Variants in MTA3 observed in about 807,000 individuals in gnomAD.
The protein encoded by MTA3 is metastasis-associated protein MTA3.
In MTA3, 34 loss-of-function variants were observed where a neutral mutation model predicts 83.5. That is an observed-to-expected ratio of 0.41 (90% CI 0.31 to 0.54). MTA3 has a LOEUF of 0.54. MTA3 is among the 20% of genes least tolerant of loss of function. The pLI, the probability that MTA3 is intolerant of heterozygous loss-of-function variation, is 0.33. For missense variants in MTA3, 761 were observed against 726.4 expected, an observed-to-expected ratio of 1.05 and a Z score of -0.55; for synonymous variants, 303 against 252.7, an observed-to-expected ratio of 1.20 and a Z score of -1.89.
At chr2:42,586,495 C>CAG (rs1171594745) in intron 3 of MTA3, among the ~76,000 whole-genome samples, 1 of 147,206 alleles carries the variant, frequency 6.8e-6, no homozygotes, top group Admixed American at 6.8e-5. Context: ...CACACACACA[C>CAG]ACACACACAC....
Position 42,708,907 on chromosome 2 carries a change from G to C in MTA3, c.1336G>C (p.Ala446Pro). 1.2e-6 allele frequency: 2 copies of C among 1,613,990 alleles called. No individual in the cohort carries two copies. The highest frequency in any genetic ancestry group is 4.5e-5 in the East Asian group (2 of 44,872). Residue 446 changes from alanine to proline, a missense_variant, in exon 14 of 17, where the codon GCC becomes CCC. Coordinates refer to ENST00000405094, the MANE Select transcript of MTA3 (RefSeq NM_001330442.2). ...PRVRSHVSRQ[A>P]MQGMPVRNTG... ...TGTTAGAAGTCACGTGTCCCGCCAG[G>C]CCATGCAGGGAATGCCAGTCCGAAA...
At chr2:42,585,003 C>T (rs1470943985) in intron 3 of MTA3, among the ~76,000 whole-genome samples, 1 of 151,648 alleles carries the variant, frequency 6.6e-6, no homozygotes, top group Non-Finnish European at 1.5e-5. Context: ...ACAATCTCGG[C>T]TCACTGCAAC....
chr2:42,724,277 A>AAAACACACACACACAC (rs1553396460), intron 16 of MTA3, among the ~76,000 whole-genome samples: 10 of 73,180 alleles, frequency 1.4e-4, no homozygotes, highest in African/African-American at 5.5e-4. Flanking sequence ...AGTCCTGAAA[A>AAAACACACACACACAC]ACACACACAC....
intron 3 of MTA3, among the ~76,000 whole-genome samples, chr2:42,606,173 G>C (rs1260451052): frequency 1.1e-5 from 1 of 93,290 alleles, no homozygotes; most frequent in Admixed American, 1.0e-4. Context: ...CCTCCCGGAC[G>C]GGGCGGCTGG....
intron 2 of MTA3, among the ~76,000 whole-genome samples, chr2:42,507,017 T>G (rs1161384824): frequency 6.6e-6 from 1 of 152,186 alleles, no homozygotes; most frequent in East Asian, 1.9e-4. Context: ...GCTTCTTCTC[T>G]CTTCAGCCTC....
At chr2:42,700,074 A>C (rs1693733630) in intron 11 of MTA3, among the ~76,000 whole-genome samples, 1 of 152,034 alleles carries the variant, frequency 6.6e-6, no homozygotes, top group Non-Finnish European at 1.5e-5. Context: ...GCTGGTGGGA[A>C]ATAGCCAAGT....
intron 2 of MTA3, among the ~76,000 whole-genome samples, chr2:42,501,006 T>A (rs921789816): frequency 6.6e-6 from 1 of 152,034 alleles, no homozygotes; most frequent in African/African-American, 2.4e-5. Flanking sequence ...GAGACGGGGT[T>A]TCACCGTGTT....
chr2:42,595,444 C>T (rs1047234391), intron 3 of MTA3, among the ~76,000 whole-genome samples: 3 of 152,044 alleles, frequency 2.0e-5, no homozygotes, highest in Admixed American at 2.0e-4. Flanking sequence ...CATGTGTGTC[C>T]TTTTCTGTGA....
chr2:42,557,599 G>A lies in MTA3; in HGVS notation c.-140-12838G>A, dbSNP rs896804956. Among the ~76,000 whole-genome samples, 12 of 152,192 alleles carry A rather than the reference G, an allele frequency of 7.9e-5. 1 individual carries two copies. Among genetic ancestry groups the A allele is most frequent in the Non-Finnish European group, 1.5e-4 (10 of 68,036 alleles). ...GTCCTGACCTGGCTTTGTAAAAGCAGCTCCTTGAAGTGTCTCTGTAATACT... is the reference window on the plus strand; with the variant it reads ...GTCCTGACCTGGCTTTGTAAAAGCAACTCCTTGAAGTGTCTCTGTAATACT... On this transcript the variant is annotated intron_variant, in intron 2 of 17. Transcript: ENST00000405592.
chr2:42,711,777 A>AGTGTGTTTGTGTGTGT (rs1553393276), intron 14 of MTA3, among the ~76,000 whole-genome samples: 1 of 148,536 alleles, frequency 6.7e-6, no homozygotes, highest in Non-Finnish European at 1.5e-5. Flanking sequence ...TATAGGAGAG[A>AGTGTGTTTGTGTGTGT]GAGAGAGTGT....
At chr2:42,557,028 C>G (rs1677424978) in intron 2 of MTA3, among the ~76,000 whole-genome samples, 1 of 152,158 alleles carries the variant, frequency 6.6e-6, no homozygotes, top group African/African-American at 2.4e-5. Context: ...CTAACATGGA[C>G]TCCACCCTTC....
At chr2:42,695,238 G>T (rs1693274606) in intron 9 of MTA3, among the ~76,000 whole-genome samples, 1 of 152,128 alleles carries the variant, frequency 6.6e-6, no homozygotes, top group Non-Finnish European at 1.5e-5. Context: ...TACTGAATAT[G>T]ACTTGTTTGG....
At chr2:42,701,095 C>G (rs1693818380) in intron 11 of MTA3, among the ~76,000 whole-genome samples, 1 of 151,874 alleles carries the variant, frequency 6.6e-6, no homozygotes, top group Non-Finnish European at 1.5e-5. Context: ...GAGACCCTGT[C>G]TCTAAAAAAA....
chr2:42,508,025 G>A (rs1054346463), intron 2 of MTA3, among the ~76,000 whole-genome samples: 3 of 151,162 alleles, frequency 2.0e-5, no homozygotes, highest in Admixed American at 2.0e-4. Flanking sequence ...TCTTTTTCCT[G>A]AGGCCCATTC....
At chr2:42,680,649 A>G (rs1691803274) in intron 8 of MTA3, among the ~76,000 whole-genome samples, 1 of 152,220 alleles carries the variant, frequency 6.6e-6, no homozygotes, top group Non-Finnish European at 1.5e-5. Context: ...TTCCTGTTAC[A>G]CATACACATG....
chr2:42,690,051 C>T (rs1692738133), intron 9 of MTA3, among the ~76,000 whole-genome samples: 1 of 151,866 alleles, frequency 6.6e-6, no homozygotes, highest in African/African-American at 2.4e-5. Context: ...GCTTGGGAAA[C>T]TGAAGCGAGA....
intron 2 of MTA3, among the ~76,000 whole-genome samples, chr2:42,532,130 G>A (rs1004333843): frequency 2.0e-5 from 3 of 152,154 alleles, no homozygotes; most frequent in Non-Finnish European, 4.4e-5. Flanking sequence ...AATAGATAAC[G>A]TTCCACTTAT....
chr2:42,686,658 C>G (rs1205923793), intron 9 of MTA3, among the ~76,000 whole-genome samples: 1 of 152,046 alleles, frequency 6.6e-6, no homozygotes, highest in Admixed American at 6.6e-5. Flanking sequence ...AACCCTGTGT[C>G]TACTAAAAAT....
At chr2:42,666,062 G>C (rs1690203437) in intron 8 of MTA3, among the ~76,000 whole-genome samples, 1 of 152,186 alleles carries the variant, frequency 6.6e-6, no homozygotes, top group African/African-American at 2.4e-5. Flanking sequence ...TGGATCACGA[G>C]ATCAGGAGAT....
Sources: gnomAD v4.1 joint callset for allele counts (sites outside exome capture counted in the v4.1 genomes callset) on GRCh38, gnomAD v4.1.1 for gene constraint, MANE v1.5 for transcripts, NCBI Gene and HGNC (gene_info 2026-07-23, HGNC 2026-07-21) for gene names.